Variants in C1orf167 observed in about 807,000 individuals in gnomAD.
The protein encoded by C1orf167 is uncharacterized protein C1orf167.
C1orf167 carries 153 observed loss-of-function variants against 176.5 expected under a neutral mutation model. That is an observed-to-expected ratio of 0.87 (90% CI 0.76 to 0.99). C1orf167 has a LOEUF of 0.99. Ranked by LOEUF, C1orf167 falls within the 50% of genes least tolerant of loss-of-function variation. The probability of loss-of-function intolerance (pLI) is 0.00; values close to 1 mark genes in which losing one functional copy is unlikely to be tolerated. For missense variants in C1orf167, 1,490 were observed against 1,817.7 expected, an observed-to-expected ratio of 0.82 and a Z score of 3.28; for synonymous variants, 594 against 752.7, an observed-to-expected ratio of 0.79 and a Z score of 3.45.
intron 12 of C1orf167, 105 bp downstream of exon 12, chr1:11,779,185 C>A: frequency 9.2e-7 from 1 of 1,088,776 alleles, no homozygotes; most frequent in Non-Finnish European, 1.2e-6. Flanking sequence ...TTGGGGTCTG[C>A]ACCTCAGGGG....
rs1642914539 is a variant in C1orf167, at chr1:11,768,686, G to C, written c.1543-287G>C. Among the ~76,000 whole-genome samples, 1 of 152,164 alleles carries C rather than the reference G, an allele frequency of 6.6e-6. No individual in the cohort carries two copies. Among genetic ancestry groups the C allele is most frequent in the East Asian group, 1.9e-4 (1 of 5,192 alleles). ...AGGTTTGCCAGCCAGGGCTGGGAGG[G>C]AGCATCTGTGTCCTTCCCTCCTTGG... On this transcript the variant is annotated intron_variant, in intron 5 of 20. Coordinates refer to ENST00000688073, the MANE Select transcript of C1orf167 (RefSeq NM_001010881.2). The surrounding 1 kb of genome is among the most constrained non-coding windows in gnomAD (Gnocchi z 4.5).
chr1:11,782,868 G>A (rs1375272816), intron 14 of C1orf167, among the ~76,000 whole-genome samples: 1 of 148,238 alleles, frequency 6.7e-6, no homozygotes, highest in Non-Finnish European at 1.5e-5. Context: ...GCAGTGAGCC[G>A]AGATTGCACC....
At chr1:11,783,579 G>C (rs1643690988) in intron 14 of C1orf167, among the ~76,000 whole-genome samples, 1 of 152,064 alleles carries the variant, frequency 6.6e-6, no homozygotes, top group African/African-American at 2.4e-5. Context: ...TTCTCACTGA[G>C]TGAGAGATGG....
intron 6 of C1orf167, 100 bp from the exon 7 acceptor site, chr1:11,771,424 C>G: frequency 1.6e-6 from 1 of 614,480 alleles, no homozygotes; most frequent in South Asian, 1.6e-5. Flanking sequence ...CCCCTGCTCC[C>G]AAGGGCAGAC....
intron 2 of C1orf167, among the ~76,000 whole-genome samples, chr1:11,765,053 CAAAAAAAA>C (rs376686533): frequency 1.5e-5 from 1 of 67,460 alleles, no homozygotes; most frequent in Non-Finnish European, 2.4e-5. Context: ...GACTCTGTCT[CAAAAAAAA>C]AAAAAAAAAA....
intron 10 of C1orf167, 116 bp from the exon 11 acceptor site, chr1:11,778,544 G>A (rs934559659): frequency 1.4e-5 from 13 of 920,820 alleles, no homozygotes; most frequent in African/African-American, 8.8e-5. Flanking sequence ...GGCCTGTGGC[G>A]AGCACCCTTT....
intron 16 of C1orf167, chr1:11,786,410 A>C (rs746375674): frequency 1.3e-5 from 2 of 152,204 alleles, no homozygotes; most frequent in Non-Finnish European, 2.9e-5. Flanking sequence ...AGATTCTAAG[A>C]GAAAAAGCTA....
In C1orf167 at chr1:11,778,986, C is replaced by G; in HGVS notation, c.2557C>G (p.Gln853Glu). 1 of 1,303,458 alleles carries G rather than the reference C, an allele frequency of 7.7e-7. No homozygotes were observed. The highest frequency in any genetic ancestry group is 1.0e-6 in the Non-Finnish European group (1 of 988,512). 80.7% of individuals were successfully genotyped at this position (1,303,458 alleles called of 1,614,324 possible). A position where few individuals can be genotyped will look rare whatever the true frequency, so the allele number is the denominator to read the frequency against. The change falls in exon 12 of 21, where the codon CAG becomes GAG. Residue 853 changes from glutamine (Q) to glutamate (E), a missense_variant. Coordinates refer to ENST00000688073, the MANE Select transcript of C1orf167 (RefSeq NM_001010881.2). ...LQGSLLWAAGQRQQGQCLLLW... is the reference protein window; with the variant it reads ...LQGSLLWAAGERQQGQCLLLW... ...GGGGAGCCTTCTGTGGGCAGCTGGG[C>G]AGCGGCAGCAGGGGCAGTGCCTTCT...
chr1:11,788,478 CA>C, intron 19 of C1orf167, 100 bp downstream of exon 19: 1 of 1,172,086 alleles, frequency 8.5e-7, no homozygotes, highest in Non-Finnish European at 1.1e-6. Context: ...CTACTGACTC[CA>C]AAACCTTGGG....
intron 10 of C1orf167, among the ~76,000 whole-genome samples, chr1:11,776,916 G>C (rs1389784353): frequency 2.6e-5 from 4 of 152,304 alleles, no homozygotes; most frequent in Admixed American, 6.5e-5. Context: ...AGCTCTACAG[G>C]GGTGGCCGGA....
chr1:11,779,588 G>T (rs1643495160), intron 12 of C1orf167: 1 of 324,036 alleles, frequency 3.1e-6, no homozygotes, highest in African/African-American at 2.2e-5. Context: ...TGGGGGTCTA[G>T]AATCCCACCC....
intron 9 of C1orf167, 121 bp from the exon 10 acceptor site, chr1:11,776,343 C>T (rs896622035): frequency 1.4e-4 from 119 of 866,790 alleles, no homozygotes; most frequent in Non-Finnish European, 1.8e-4. Context: ...GGCTTGGAAG[C>T]GGTGGGACGG....
At chr1:11,782,898 G>A (rs1369596722) in intron 14 of C1orf167, among the ~76,000 whole-genome samples, 18 of 138,888 alleles carry the variant, frequency 1.3e-4, no homozygotes, top group African/African-American at 2.4e-4. Context: ...CAGCCTGGGC[G>A]ACAGTGCGAG....
chr1:11,782,235 C>T lies in C1orf167; in HGVS notation c.2907C>T (p.His969=), dbSNP rs752340508. The T allele has an allele frequency of 7.7e-7, 1 of 1,300,986 alleles. No homozygotes were observed. Among genetic ancestry groups the T allele is most frequent in the South Asian group, 1.2e-5 (1 of 80,524 alleles). The allele number at this position is 1,300,986 out of a possible 1,614,324, so 80.6% of individuals were successfully genotyped here. The change falls in exon 14 of 21, where the codon CAC becomes CAT. Residue 969 remains histidine (H), a synonymous_variant. Coordinates refer to ENST00000688073, the MANE Select transcript of C1orf167 (RefSeq NM_001010881.2). The stretch of plus-strand genomic sequence containing the variant: ...AGTGCCAGACATGGGTGCAGGTCCA[C>T]CTCCAGGGCCTGCAGAAGGTGGTGT... ...HEKCQTWVQV[H]LQGLQKVVFR... is the part of the protein sequence containing the mutation.
At chr1:11,771,344 T>TC (rs1305083723) in intron 6 of C1orf167, among the ~76,000 whole-genome samples, 180 bp from the exon 7 acceptor site, 1 of 151,762 alleles carries the variant, frequency 6.6e-6, no homozygotes, top group Non-Finnish European at 1.5e-5. Flanking sequence ...GAGCAGAACC[T>TC]CCCCCCAGCA....
chr1:11,781,298 C>G (rs2100379638), intron 13 of C1orf167, among the ~76,000 whole-genome samples: 1 of 152,214 alleles, frequency 6.6e-6, no homozygotes, highest in South Asian at 2.1e-4. Context: ...GCACCCGGCC[C>G]CAACCAGTCT....
chr1:11,783,619 A>G (rs1022878031), intron 14 of C1orf167, among the ~76,000 whole-genome samples: 6 of 152,056 alleles, frequency 3.9e-5, no homozygotes, highest in South Asian at 2.1e-4. Flanking sequence ...CCACCTGGGC[A>G]TGTGATGGGA....
intron 10 of C1orf167, 148 bp from the exon 11 acceptor site, chr1:11,778,512 G>A (rs774822054): frequency 7.9e-5 from 50 of 629,466 alleles, no homozygotes; most frequent in Non-Finnish European, 1.1e-4. Flanking sequence ...GGGCAGCAGC[G>A]TGGAACGCTA....
At chr1:11,784,629 G>T in intron 15 of C1orf167, 36 bp downstream of exon 15, 1 of 1,205,714 alleles carries the variant, frequency 8.3e-7, no homozygotes. Flanking sequence ...CCCACTCTGT[G>T]CTTCCAGCTC....
Sources: gnomAD v4.1 joint callset for allele counts (sites outside exome capture counted in the v4.1 genomes callset) on GRCh38, gnomAD v4.1.1 for gene constraint, Gnocchi (gnomAD v3.1) non-coding constraint, MANE v1.5 for transcripts, NCBI Gene and HGNC (gene_info 2026-07-23, HGNC 2026-07-21) for gene names.